GPX6: variants seen among roughly 807,000 people sequenced by gnomAD.
The protein encoded by GPX6 is glutathione peroxidase 6.
A neutral mutation model predicts 20.0 loss-of-function variants in GPX6; 21 were observed. That is an observed-to-expected ratio of 1.05 (90% CI 0.74 to 1.51). The LOEUF (loss-of-function observed/expected upper bound fraction) is 1.51, where lower values mean the gene tolerates loss of function less well. GPX6 is among the 40% of genes most tolerant of loss of function. The pLI is 0.00. For synonymous variants in GPX6, 75 were observed against 98.0 expected (o/e 0.77, Z 1.38); for missense variants, 233 against 254.7 (o/e 0.91, Z 0.58).
At position 28,504,515 on chromosome 6, in the gene GPX6, G is replaced by C. The variant is rs1399123605; in HGVS notation, c.460-17C>G. Reference sequence around the variant, plus strand: ...GCAGGAGTTCTGGAGCAGAGATATAGAAAGTAGAGATATACATTTATTTCT... The same window carrying C: ...GCAGGAGTTCTGGAGCAGAGATATACAAAGTAGAGATATACATTTATTTCT... On this transcript the variant is annotated splice_polypyrimidine_tract_variant and intron_variant, in intron 4 of 4. Transcript: ENST00000361902. 6.2e-7 allele frequency: 1 copy of C among 1,605,712 alleles called. No homozygotes were observed. Among genetic ancestry groups the C allele is most frequent in the Non-Finnish European group, 8.5e-7 (1 of 1,173,536 alleles).
At chr6:28,505,034 TACTC>T (rs1255545756) in intron 4 of GPX6, among the ~76,000 whole-genome samples, 4 of 152,266 alleles carry the variant, frequency 2.6e-5, no homozygotes, top group African/African-American at 4.8e-5. Context: ...GATTTTTAAA[TACTC>T]AGTTGTACCA....
chr6:28,504,648 C>T (rs1432581238), intron 4 of GPX6, 150 bp from the exon 5 acceptor site: 1 of 668,280 alleles, frequency 1.5e-6, no homozygotes, highest in Non-Finnish European at 2.5e-6. Context: ...CAATCAACCA[C>T]AGACACTGCA....
rs765721818 is a variant in GPX6, at chr6:28,505,697, A to G, written c.459+6T>C. 30 of 1,609,274 alleles carry G rather than the reference A, an allele frequency of 1.9e-5. No homozygotes were observed. Among genetic ancestry groups the G allele is most frequent in the Non-Finnish European group, 2.3e-5 (27 of 1,175,768 alleles). ...ACCCATCCATGCCAGGTTTATACTC[A>G]TGCACCTTCAGGAAAGTAAAGACCT... On this transcript the variant is annotated splice_donor_region_variant and intron_variant, in intron 4 of 4. Transcript: ENST00000361902.
At chr6:28,511,920 G>A (rs1762884428) in intron 1 of GPX6, among the ~76,000 whole-genome samples, 1 of 152,158 alleles carries the variant, frequency 6.6e-6, no homozygotes, top group Non-Finnish European at 1.5e-5. Context: ...GGCTCAGCGG[G>A]CCCCGCACTC....
intron 2 of GPX6, 85 bp downstream of exon 2, chr6:28,510,666 A>G: frequency 1.4e-6 from 2 of 1,410,502 alleles, no homozygotes; most frequent in South Asian, 1.3e-5. Context: ...GCATCCTCCA[A>G]TAACACATTG....
In GPX6 at chr6:28,504,022, A is replaced by AACACAC. The variant is rs67996303; in HGVS notation, c.*264_*269dup. On this transcript the variant is annotated 3_prime_UTR_variant, in exon 5 of 5. Coordinates refer to ENST00000361902, the MANE Select transcript of GPX6 (RefSeq NM_182701.1). ...TAGGTGTTCTTTTCCTTAATCTTCA[A>AACACAC]ACACACACACACACACACACACACA... is the stretch of plus-strand genomic sequence containing the variant. 524 of 339,010 alleles carry AACACAC rather than the reference A, an allele frequency of 1.5e-3. 1 individual carries two copies. Among genetic ancestry groups the AACACAC allele is most frequent in the African/African-American group, 8.6e-3 (391 of 45,504 alleles). 21.0% of individuals were successfully genotyped at this position (339,010 alleles called of 1,614,324 possible).
rs886703531 is a variant in GPX6, at chr6:28,510,777, T to C, written c.215A>G (p.Tyr72Cys). Residue 72 changes from tyrosine (Y) to cysteine (C), a missense_variant, in exon 2 of 5, where the codon TAT becomes TGT. Tyr to Cys is a radical substitution (Grantham distance 194, BLOSUM62 -2). Transcript: ENST00000361902. ...AGGATACTGAGCTGCCAAGCCTCAATAGGCGGCCACATTGACAAACAGGAC... is the reference window on the plus strand; with the variant it reads ...AGGATACTGAGCTGCCAAGCCTCAACAGGCGGCCACATTGACAAACAGGAC... ...KHVLFVNVAA[Y>C]UGLAAQYPEL... The C allele has an allele frequency of 2.2e-5, 36 of 1,613,914 alleles. No individual in the cohort carries two copies. The highest frequency in any genetic ancestry group is 2.9e-5 in the Non-Finnish European group (34 of 1,179,994).
In GPX6 at chr6:28,504,215, G is replaced by A. The variant is rs1762784195; in HGVS notation, c.*77C>T. 7.0e-7 allele frequency: 1 copy of A among 1,428,620 alleles called. No individual in the cohort carries two copies. Among genetic ancestry groups the A allele is most frequent in the Non-Finnish European group, 9.8e-7 (1 of 1,020,320 alleles). The allele number at this position is 1,428,620 out of a possible 1,614,324, so 88.5% of individuals were successfully genotyped here. On this transcript the variant is annotated 3_prime_UTR_variant, in exon 5 of 5. Coordinates refer to ENST00000361902, the MANE Select transcript of GPX6 (RefSeq NM_182701.1). ...TAGGCACGAGTGTGGAGCAAAGAAGGAGGAAGATGGATGCTTTGTTAGACA... is the reference window on the plus strand; with the variant it reads ...TAGGCACGAGTGTGGAGCAAAGAAGAAGGAAGATGGATGCTTTGTTAGACA...
chr6:28,512,791 A>G (rs1762917794), intron 1 of GPX6, among the ~76,000 whole-genome samples: 1 of 151,982 alleles, frequency 6.6e-6, no homozygotes, highest in Non-Finnish European at 1.5e-5. Flanking sequence ...GAGACCACGA[A>G]CCCACCGGGA....
chr6:28,508,604 G>A (rs897745879), intron 2 of GPX6, among the ~76,000 whole-genome samples: 9 of 151,798 alleles, frequency 5.9e-5, no homozygotes, highest in East Asian at 1.9e-4. Flanking sequence ...CCAGGAGTTC[G>A]AGAGCAGCCT....
At chr6:28,506,259 T>C (rs1488922318) in intron 3 of GPX6, 53 bp downstream of exon 3, 1 of 1,044,308 alleles carries the variant, frequency 9.6e-7, no homozygotes, top group Non-Finnish European at 1.5e-6. Context: ...CTAGGTGGAA[T>C]GAGGAATGGA....
chr6:28,514,287 C>T (rs1762985054), intron 1 of GPX6, among the ~76,000 whole-genome samples: 1 of 152,230 alleles, frequency 6.6e-6, no homozygotes, highest in African/African-American at 2.4e-5. Context: ...CCCACGAAAA[C>T]TGCAGACTCG....
chr6:28,510,701 TG>T lies in GPX6; in HGVS notation c.241+49del, dbSNP rs747819943. The T allele has an allele frequency of 3.6e-5, 56 of 1,576,938 alleles. 1 individual carries two copies. In the South Asian group the frequency reaches 6.2e-4, roughly 18 times the overall value. ...GGTAAAACCTTCTGGAATTAGAATA[TG>T]GCTATCTGGCAATGCTGCTTCCAAA... On this transcript the variant is annotated intron_variant, in intron 2 of 4. Coordinates refer to ENST00000361902, the MANE Select transcript of GPX6 (RefSeq NM_182701.1).
chr6:28,514,165 T>A (rs1230108520), intron 1 of GPX6, among the ~76,000 whole-genome samples: 1 of 152,250 alleles, frequency 6.6e-6, no homozygotes, highest in Non-Finnish European at 1.5e-5. Flanking sequence ...ATGTGAGCTG[T>A]CATTTGTATG....
At chr6:28,504,547 T>A (rs1581836903) in intron 4 of GPX6, 49 bp from the exon 5 acceptor site, 2 of 1,521,024 alleles carry the variant, frequency 1.3e-6, no homozygotes, top group East Asian at 2.3e-5. Context: ...TTCTACTTTA[T>A]TTCTACTTCT....
At chr6:28,506,500 A>C in intron 2 of GPX6, 71 bp from the exon 3 acceptor site, 1 of 832,162 alleles carries the variant, frequency 1.2e-6, no homozygotes, top group Non-Finnish European at 2.1e-6. Flanking sequence ...AAGATCACTG[A>C]ATGTATCCAT....
intron 2 of GPX6, 27 bp from the exon 3 acceptor site, chr6:28,506,456 G>C (rs1040049217): frequency 7.2e-6 from 10 of 1,386,120 alleles, no homozygotes; most frequent in Non-Finnish European, 1.0e-5. Context: ...AATAGCAGGG[G>C]TGGGCTGGTC....
chr6:28,504,585 G>C, intron 4 of GPX6, 87 bp from the exon 5 acceptor site: 1 of 1,148,668 alleles, frequency 8.7e-7, no homozygotes, highest in East Asian at 2.5e-5. Flanking sequence ...CTCCAGACTA[G>C]AGAGTCTACT....
intron 1 of GPX6, among the ~76,000 whole-genome samples, chr6:28,512,444 G>A (rs1472325072): frequency 6.6e-6 from 1 of 150,834 alleles, no homozygotes; most frequent in Non-Finnish European, 1.5e-5. Context: ...ACCTTTGTGT[G>A]GACACTCTGT....
Sources: gnomAD v4.1 joint callset for allele counts (sites outside exome capture counted in the v4.1 genomes callset) on GRCh38, gnomAD v4.1.1 for gene constraint, MANE v1.5 for transcripts, NCBI Gene and HGNC (gene_info 2026-07-23, HGNC 2026-07-21) for gene names.